The following ARIH1 variants were observed in gnomAD, a reference collection of about 807,000 sequenced individuals.
ARIH1 encodes the protein ariadne RBR E3 ubiquitin protein ligase 1.
In ARIH1, 8 loss-of-function variants were observed where a neutral mutation model predicts 85.0. That is an observed-to-expected ratio of 0.09 (90% CI 0.06 to 0.17). ARIH1 has a LOEUF of 0.17. ARIH1 is among the 10% of genes least tolerant of loss of function. The pLI, the probability that ARIH1 is intolerant of heterozygous loss-of-function variation, is 1.00. For missense variants in ARIH1, 311 were observed against 718.1 expected, an observed-to-expected ratio of 0.43 and a Z score of 6.48; for synonymous variants, 238 against 253.6, an observed-to-expected ratio of 0.94 and a Z score of 0.59.
chr15:72,535,242 C>T lies in ARIH1; in HGVS notation c.444-9578C>T, dbSNP rs373498894. 1.6e-4 allele frequency among the ~76,000 whole-genome samples: 24 copies of T among 152,180 alleles called. 1 individual carries two copies. The East Asian group carries it at 1.7e-3, about 11-fold the overall frequency. On this transcript the variant is annotated intron_variant, in intron 2 of 13. Transcript: ENST00000379887. Reference sequence around the variant, plus strand: ...CTGGGATTACAGGCGTGAGCCACCGCGCCCGGCCTTATTGTCTGTATTCTT... The same window carrying T: ...CTGGGATTACAGGCGTGAGCCACCGTGCCCGGCCTTATTGTCTGTATTCTT...
At position 72,474,433 on chromosome 15, in the gene ARIH1, GCTCCCTCC is replaced by G. The variant is rs778274130; in HGVS notation, c.-198_-191del. On this transcript the variant is annotated 5_prime_UTR_variant, in exon 1 of 14. Coordinates refer to ENST00000379887, the MANE Select transcript of ARIH1 (RefSeq NM_005744.5). The stretch of plus-strand genomic sequence containing the variant: ...GAGGCGGGCAGCAAGCGGCCCCCTC[GCTCCCTCC>G]CTCCCTCCTCCGCGCCCTCCCCGCC... The G allele has an allele frequency of 1.6e-6, 1 of 641,616 alleles. No homozygotes were observed. The highest frequency in any genetic ancestry group is 2.6e-6 in the Non-Finnish European group (1 of 390,246). The allele number at this position is 641,616 out of a possible 1,614,324, so 39.7% of individuals were successfully genotyped here. A position where few individuals can be genotyped will look rare whatever the true frequency, so the allele number is the denominator to read the frequency against.
chr15:72,559,917 C>T (rs573071129), intron 5 of ARIH1, among the ~76,000 whole-genome samples: 361 of 152,190 alleles, frequency 2.4e-3, no homozygotes, highest in African/African-American at 8.3e-3. Context: ...CCATTTTTTA[C>T]GGAAATGTCT....
rs1567365536 is a variant in ARIH1 at position 72,592,986 on chromosome 15, C to T, written c.*9694C>T. 6.6e-6 allele frequency: 1 copy of T among 151,992 alleles called. No individual in the cohort carries two copies. The highest frequency in any genetic ancestry group is 2.4e-5 in the African/African-American group (1 of 41,404). 9.4% of individuals were successfully genotyped at this position (151,992 alleles called of 1,614,324 possible). ...GTAAGTGCATGTTTATAAGAAACTG[C>T]CCTCTTATTCTCCAAAGTGGTTTTA... is the stretch of plus-strand genomic sequence containing the variant. On this transcript the variant is annotated 3_prime_UTR_variant, in exon 14 of 14. Coordinates refer to ENST00000379887, the MANE Select transcript of ARIH1 (RefSeq NM_005744.5).
intron 7 of ARIH1, among the ~76,000 whole-genome samples, chr15:72,564,498 T>C (rs1475116045): frequency 6.6e-6 from 1 of 152,210 alleles, no homozygotes; most frequent in Non-Finnish European, 1.5e-5. Context: ...ACAATTCAGT[T>C]CATTCACAGT....
chr15:72,584,471 T>C lies in ARIH1; in HGVS notation c.*1179T>C, dbSNP rs1471357858. The C allele has an allele frequency of 6.6e-6, 1 of 152,222 alleles. No homozygotes were observed. The highest frequency in any genetic ancestry group is 1.9e-4 in the East Asian group (1 of 5,202). The allele number at this position is 152,222 out of a possible 1,614,324, so 9.4% of individuals were successfully genotyped here. ...ATTGCTGCTTTTCAGATTTTAGTTA[T>C]GGCTCGTCTGCTCACCCCTTCTCTA... On this transcript the variant is annotated 3_prime_UTR_variant, in exon 14 of 14. Transcript: ENST00000379887.
chr15:72,491,072 T>C (rs2063857231), intron 1 of ARIH1, among the ~76,000 whole-genome samples: 1 of 152,106 alleles, frequency 6.6e-6, no homozygotes, highest in Non-Finnish European at 1.5e-5. Flanking sequence ...GCCGAGATCG[T>C]GCCACTGCAC....
At chr15:72,570,398 T>C in intron 10 of ARIH1, 91 bp downstream of exon 10, 1 of 1,494,190 alleles carries the variant, frequency 6.7e-7, no homozygotes, top group Non-Finnish European at 9.1e-7. Flanking sequence ...TATCACCATC[T>C]AACTTGCAAG....
chr15:72,532,135 A>G (rs2064059926), intron 2 of ARIH1, among the ~76,000 whole-genome samples: 1 of 151,974 alleles, frequency 6.6e-6, no homozygotes. Flanking sequence ...AATAGAAAAC[A>G]TGCAGTAGAA....
chr15:72,504,602 C>G (rs894779182), intron 1 of ARIH1, among the ~76,000 whole-genome samples: 1 of 152,030 alleles, frequency 6.6e-6, no homozygotes, highest in Admixed American at 6.6e-5. Flanking sequence ...TCTCGTTCGT[C>G]TTTATCTGCA....
intron 1 of ARIH1, among the ~76,000 whole-genome samples, chr15:72,499,372 A>G (rs1022561132): frequency 3.3e-5 from 5 of 151,628 alleles, no homozygotes; most frequent in South Asian, 2.1e-4. Context: ...TAAATGTTAT[A>G]TCTTACAATG....
Position 72,583,331 on chromosome 15 carries a change from A to G in ARIH1, c.*39A>G, listed in dbSNP as rs752607588. On this transcript the variant is annotated 3_prime_UTR_variant, in exon 14 of 14. Coordinates refer to ENST00000379887, the MANE Select transcript of ARIH1 (RefSeq NM_005744.5). ...TAAAATGAACTCTGAAAACTTTACC[A>G]TCTAGAGTGCTCATGCAATTAAAAC... 1.2e-5 allele frequency: 18 copies of G among 1,525,438 alleles called. No homozygotes were observed. The East Asian group carries it at 2.0e-4, about 17-fold the overall frequency. 94.5% of individuals were successfully genotyped at this position (1,525,438 alleles called of 1,614,324 possible).
At chr15:72,477,224 C>G (rs1485410531) in intron 1 of ARIH1, among the ~76,000 whole-genome samples, 2 of 151,992 alleles carry the variant, frequency 1.3e-5, no homozygotes, top group African/African-American at 4.8e-5. Flanking sequence ...TTTAAATTGC[C>G]CCTCGCTTTT....
Position 72,525,797 on chromosome 15 carries a change from C to CT in ARIH1, c.443+7675dup, listed in dbSNP as rs200939487. ...GGTGACCCCTGTGTTCCTCCACATT[C>CT]TTTTTTTTTTTTCTCAATTTTTTTG... On this transcript the variant is annotated intron_variant, in intron 2 of 13. Coordinates refer to ENST00000379887, the MANE Select transcript of ARIH1 (RefSeq NM_005744.5). 2.0e-3 allele frequency among the ~76,000 whole-genome samples: 285 copies of CT among 145,688 alleles called. 1 individual carries two copies. The highest frequency in any genetic ancestry group is 7.6e-3 in the South Asian group (35 of 4,606).
rs59727915 is a variant in ARIH1 at position 72,575,551 on chromosome 15, C to CAAA, written c.1215+3409_1215+3411dup. ...AAGCAACAGAGCAAGACCCTGTCTC[C>CAAA]AAAAAAAAAAAAAAAAAAAAAAAAA... On this transcript the variant is annotated intron_variant, in intron 11 of 13. Coordinates refer to ENST00000379887, the MANE Select transcript of ARIH1 (RefSeq NM_005744.5). 8.1e-4 allele frequency among the ~76,000 whole-genome samples: 49 copies of CAAA among 60,554 alleles called. 1 individual carries two copies. Among genetic ancestry groups the CAAA allele is most frequent in the African/African-American group, 3.0e-3 (47 of 15,612 alleles). 39.7% of individuals were successfully genotyped at this position (60,554 alleles called of 152,430 possible).
At chr15:72,498,583 G>C (rs2063889606) in intron 1 of ARIH1, among the ~76,000 whole-genome samples, 1 of 152,132 alleles carries the variant, frequency 6.6e-6, no homozygotes, top group African/African-American at 2.4e-5. Context: ...GGTGGCTCAC[G>C]CCTGTGATCC....
At chr15:72,495,003 A>G (rs1443715082) in intron 1 of ARIH1, among the ~76,000 whole-genome samples, 1 of 152,202 alleles carries the variant, frequency 6.6e-6, no homozygotes, top group Non-Finnish European at 1.5e-5. Context: ...ACTTTCATTT[A>G]ACTAACTTGG....
chr15:72,535,809 C>CAA (rs764766524), intron 2 of ARIH1, among the ~76,000 whole-genome samples: 15 of 151,482 alleles, frequency 9.9e-5, no homozygotes, highest in Non-Finnish European at 1.9e-4. Context: ...AAGAGGTGGA[C>CAA]AAAAAAAGCC....
intron 2 of ARIH1, among the ~76,000 whole-genome samples, chr15:72,518,778 C>G (rs1426941502): frequency 1.4e-5 from 2 of 144,450 alleles, no homozygotes; most frequent in Admixed American, 7.0e-5. Context: ...CAGAGCGAGA[C>G]TCTATCTCAA....
chr15:72,581,547 A>C (rs1160372537), intron 12 of ARIH1: 2 of 157,892 alleles, frequency 1.3e-5, no homozygotes, highest in Admixed American at 6.0e-5. Flanking sequence ...AAAGATGTTC[A>C]TTTAAAATTG....
Sources: allele counts gnomAD v4.1 joint callset (sites outside exome capture counted in the v4.1 genomes callset), GRCh38; gene constraint gnomAD v4.1.1; transcripts MANE v1.5; gene names NCBI Gene and HGNC (gene_info 2026-07-23, HGNC 2026-07-21).